NETO2: variants seen among roughly 807,000 people sequenced by gnomAD.
NETO2 encodes the protein neuropilin and tolloid like 2.
NETO2 carries 28 observed loss-of-function variants against 62.5 expected under a neutral mutation model. That is an observed-to-expected ratio of 0.45 (90% CI 0.33 to 0.61). The LOEUF (loss-of-function observed/expected upper bound fraction) is 0.61. Ranked by LOEUF, NETO2 falls within the 20% of genes least tolerant of loss-of-function variation. The pLI is 0.02. For synonymous variants in NETO2, 214 were observed against 219.1 expected (o/e 0.98, Z 0.21); for missense variants, 548 against 643.2 (o/e 0.85, Z 1.60).
chr16:47,085,310 G>GT (rs1334781820), intron 8 of NETO2, among the ~76,000 whole-genome samples: 1 of 151,878 alleles, frequency 6.6e-6, no homozygotes, highest in Non-Finnish European at 1.5e-5. Flanking sequence ...ATTAAATAAG[G>GT]TATGTTTACA....
At chr16:47,102,955 A>C (rs1162236322) in intron 7 of NETO2, among the ~76,000 whole-genome samples, 1 of 152,234 alleles carries the variant, frequency 6.6e-6, no homozygotes, top group African/African-American at 2.4e-5. Flanking sequence ...TATCCAAAGG[A>C]TTACAAATCA....
intron 1 of NETO2, among the ~76,000 whole-genome samples, chr16:47,142,723 A>G (rs74451893): frequency 6.6e-6 from 1 of 152,246 alleles, no homozygotes; most frequent in Non-Finnish European, 1.5e-5. Context: ...TTTCAGGAGC[A>G]ACTTTGTATC....
Position 47,080,419 on chromosome 16 carries a change from T to A in NETO2, c.*2802A>T, listed in dbSNP as rs978297704. On this transcript the variant is annotated 3_prime_UTR_variant, in exon 9 of 9. Coordinates refer to ENST00000562435, the MANE Select transcript of NETO2 (RefSeq NM_018092.5). ...TACTGTGTAATGAATTCCACAAGAT[T>A]GCTAAATTTCATGTCTTCTGTTATT... is the stretch of plus-strand genomic sequence containing the variant. 5.3e-5 allele frequency: 8 copies of A among 152,218 alleles called. No individual in the cohort carries two copies. Among genetic ancestry groups the A allele is most frequent in the African/African-American group, 1.9e-4 (8 of 41,448 alleles). The allele number at this position is 152,218 out of a possible 1,614,324, so 9.4% of individuals were successfully genotyped here.
At chr16:47,118,885 T>C (rs892968318) in intron 6 of NETO2, among the ~76,000 whole-genome samples, 1 of 152,182 alleles carries the variant, frequency 6.6e-6, no homozygotes, top group Admixed American at 6.5e-5. Context: ...TAATATTAAA[T>C]ACCAGTGTTC....
intron 1 of NETO2, among the ~76,000 whole-genome samples, chr16:47,138,848 C>T (rs758317280): frequency 1.3e-5 from 2 of 152,128 alleles, no homozygotes; most frequent in East Asian, 1.9e-4. Flanking sequence ...TCTGGCCTTC[C>T]GAGCGCTCTC....
At chr16:47,111,130 C>A (rs1963792134) in intron 6 of NETO2, among the ~76,000 whole-genome samples, 1 of 152,168 alleles carries the variant, frequency 6.6e-6, no homozygotes, top group Admixed American at 6.5e-5. Context: ...TAATGACTTC[C>A]CTCTTCCACT....
chr16:47,137,206 A>T (rs569187586), intron 1 of NETO2, among the ~76,000 whole-genome samples: 2 of 152,306 alleles, frequency 1.3e-5, no homozygotes, highest in Non-Finnish European at 2.9e-5. Context: ...AATCACTGTG[A>T]CCGTGGTCCT....
chr16:47,078,473 C>A lies in NETO2; in HGVS notation c.*4748G>T, dbSNP rs183685349. ...CTAGACAGTGCATACTAAACATGCA[C>A]CCTAGTCATTAGCTTTTTAGGCTTT... is the stretch of plus-strand genomic sequence containing the variant. On this transcript the variant is annotated 3_prime_UTR_variant, in exon 9 of 9. Coordinates refer to ENST00000562435, the MANE Select transcript of NETO2 (RefSeq NM_018092.5). 1 of 152,302 alleles carries A rather than the reference C, an allele frequency of 6.6e-6. No individual in the cohort carries two copies. The highest frequency in any genetic ancestry group is 2.4e-5 in the African/African-American group (1 of 41,546). The allele number at this position is 152,302 out of a possible 1,614,324, so 9.4% of individuals were successfully genotyped here. A position where few individuals can be genotyped will look rare whatever the true frequency, so the allele number is the denominator to read the frequency against.
At chr16:47,137,461 A>G (rs1214731945) in intron 1 of NETO2, among the ~76,000 whole-genome samples, 1 of 152,112 alleles carries the variant, frequency 6.6e-6, no homozygotes, top group Non-Finnish European at 1.5e-5. Context: ...GTGGCAGGAG[A>G]CATGTTTGGA....
rs576717975 is a variant in NETO2 at position 47,103,631 on chromosome 16, C to T, written c.883+5852G>A. ...CCCTTATGAATATTAATATAAAAAT[C>T]CTCAAGAAAATTATTACTTCAGAAT... On this transcript the variant is annotated intron_variant, in intron 7 of 8. Transcript: ENST00000562435. 3.0e-4 allele frequency among the ~76,000 whole-genome samples: 46 copies of T among 151,922 alleles called. No homozygotes were observed. In the Middle Eastern group the frequency reaches 0.017, roughly 56 times the overall value.
intron 4 of NETO2, 71 bp from the exon 5 acceptor site, chr16:47,122,983 A>ATG: frequency 7.1e-7 from 1 of 1,417,102 alleles, no homozygotes. Context: ...CTTACATTAC[A>ATG]TCTAACGTTC....
rs767353283 is a variant in NETO2 at position 47,122,931 on chromosome 16, G to C, written c.482-19C>G. On this transcript the variant is annotated intron_variant, in intron 4 of 8. Transcript: ENST00000562435. ...TCTGGATCTGTAACAGAAAAAAGAA[G>C]AAAGTCATTGGTACTGAGATAGTTA... 3.7e-6 allele frequency: 6 copies of C among 1,610,156 alleles called. No homozygotes were observed. In the East Asian group the frequency reaches 1.3e-4, roughly 36 times the overall value.
chr16:47,119,853 G>C (rs1964002358), intron 6 of NETO2, among the ~76,000 whole-genome samples: 1 of 152,084 alleles, frequency 6.6e-6, no homozygotes, highest in Non-Finnish European at 1.5e-5. Context: ...TTGCATTTCT[G>C]TCACATGATG....
At chr16:47,115,730 TAC>T (rs71380319) in intron 6 of NETO2, among the ~76,000 whole-genome samples, 154 of 125,772 alleles carry the variant, frequency 1.2e-3, no homozygotes, top group African/African-American at 4.8e-3. Flanking sequence ...TATATATATA[TAC>T]ATGTATATAT....
chr16:47,108,179 T>A (rs1963713549), intron 7 of NETO2, among the ~76,000 whole-genome samples: 1 of 152,170 alleles, frequency 6.6e-6, no homozygotes, highest in Non-Finnish European at 1.5e-5. Flanking sequence ...GAAAAAGGGA[T>A]AGTTTTTCTC....
chr16:47,099,679 G>C (rs1018428669), intron 7 of NETO2, among the ~76,000 whole-genome samples: 1 of 151,684 alleles, frequency 6.6e-6, no homozygotes, highest in African/African-American at 2.4e-5. Context: ...TGATAAAACA[G>C]ACTTTAAACT....
intron 6 of NETO2, among the ~76,000 whole-genome samples, chr16:47,112,891 A>G (rs1963829620): frequency 6.6e-6 from 1 of 152,228 alleles, no homozygotes; most frequent in Non-Finnish European, 1.5e-5. Flanking sequence ...CACTTAAAGC[A>G]CACTTAATAT....
At chr16:47,134,603 C>T (rs1220173264) in intron 1 of NETO2, among the ~76,000 whole-genome samples, 7 of 152,126 alleles carry the variant, frequency 4.6e-5, no homozygotes, top group Non-Finnish European at 7.3e-5. Context: ...ATATTTCGTG[C>T]GCAGTATACC....
At chr16:47,092,235 G>A (rs1326847293) in intron 7 of NETO2, among the ~76,000 whole-genome samples, 3 of 152,074 alleles carry the variant, frequency 2.0e-5, no homozygotes, top group African/African-American at 7.2e-5. Context: ...CGCAAGGATC[G>A]GTCCAGACCC....
Sources: gnomAD v4.1 joint callset for allele counts (sites outside exome capture counted in the v4.1 genomes callset) on GRCh38, gnomAD v4.1.1 for gene constraint, MANE v1.5 for transcripts, NCBI Gene and HGNC (gene_info 2026-07-23, HGNC 2026-07-21) for gene names.